Variants in CD8B2 observed in about 807,000 individuals in gnomAD.
The protein encoded by CD8B2 is T-cell surface glycoprotein CD8 beta-2 chain.
In CD8B2, 11 loss-of-function variants were observed where a neutral mutation model predicts 23.7. The ratio of observed to expected loss-of-function variants is 0.46; its 90% CI spans 0.29 to 0.77. The LOEUF is 0.77. Among genes scored for constraint, CD8B2 ranks in the 30% least tolerant of loss-of-function variants. CD8B2 has a pLI of 0.09. For missense variants in CD8B2, 197 were observed against 270.5 expected, an observed-to-expected ratio of 0.73 and a Z score of 1.91; for synonymous variants, 90 against 109.3, an observed-to-expected ratio of 0.82 and a Z score of 1.10.
intron 2 of CD8B2, among the ~76,000 whole-genome samples, chr2:106,493,238 G>C (rs1679227557): frequency 6.6e-6 from 1 of 152,308 alleles, no homozygotes; most frequent in African/African-American, 2.4e-5. Flanking sequence ...TGGGATGGTT[G>C]AGAAAGTGTT....
chr2:106,504,008 C>T (rs571773071), intron 4 of CD8B2, among the ~76,000 whole-genome samples: 27 of 152,340 alleles, frequency 1.8e-4, no homozygotes, highest in Admixed American at 7.2e-4. Flanking sequence ...CTGGCTTTCC[C>T]ACTTACTAGC....
chr2:106,496,167 C>T lies in CD8B2; in HGVS notation c.404-6C>T. 5.2e-6 allele frequency: 8 copies of T among 1,542,254 alleles called. No homozygotes were observed. Among genetic ancestry groups the T allele is most frequent in the Non-Finnish European group, 7.0e-6 (8 of 1,140,658 alleles). Reference sequence around the variant, plus strand: ...CTAAGATATGTGTCTTGCTTTCTTTCTGTAGTTGATTTCCTTCCCACCACT... The same window carrying T: ...CTAAGATATGTGTCTTGCTTTCTTTTTGTAGTTGATTTCCTTCCCACCACT... On this transcript the variant is annotated splice_polypyrimidine_tract_variant and splice_region_variant and intron_variant, in intron 2 of 5. Coordinates refer to ENST00000643224, the MANE Select transcript of CD8B2 (RefSeq NM_001349727.2).
chr2:106,488,978 GTTTTTA>G (rs925790016), intron 1 of CD8B2, among the ~76,000 whole-genome samples: 4 of 151,886 alleles, frequency 2.6e-5, no homozygotes, highest in East Asian at 1.9e-4. Flanking sequence ...TTTCCTTCTT[GTTTTTA>G]TTTTTATTTT....
chr2:106,505,571 G>T (rs911740776), intron 5 of CD8B2, among the ~76,000 whole-genome samples: 1 of 152,206 alleles, frequency 6.6e-6, no homozygotes, highest in African/African-American at 2.4e-5. Flanking sequence ...CACTCTGCAA[G>T]TGCAGCAACG....
chr2:106,503,883 T>C (rs532078396), intron 4 of CD8B2, among the ~76,000 whole-genome samples: 6 of 152,362 alleles, frequency 3.9e-5, no homozygotes, highest in South Asian at 2.1e-4. Flanking sequence ...CTGAATGCAA[T>C]TGCCCTAGCC....
At chr2:106,494,365 C>T (rs1452273099) in intron 2 of CD8B2, among the ~76,000 whole-genome samples, 1 of 152,128 alleles carries the variant, frequency 6.6e-6, no homozygotes, top group Non-Finnish European at 1.5e-5. Context: ...CCAGGCTGGT[C>T]TTGGATTCCT....
intron 1 of CD8B2, among the ~76,000 whole-genome samples, chr2:106,490,182 C>T (rs1329974854): frequency 2.6e-5 from 4 of 152,028 alleles, no homozygotes; most frequent in African/African-American, 4.8e-5. Flanking sequence ...GGGTCTCCTT[C>T]GGCAGTTTGG....
chr2:106,502,519 T>C lies in CD8B2; in HGVS notation c.539T>C (p.Val180Ala). The change falls in exon 4 of 6, where the codon GTC becomes GCC. Residue 180 changes from valine to alanine, a missense_variant. By Grantham distance (64) the Val-to-Ala change is moderately conservative. Transcript: ENST00000643224. The part of the protein sequence containing the change: ...PVTLGLLVAG[V>A]LVLLVSLGVA... Reference sequence around the variant, plus strand: ...ACCCTTGGCCTGCTGGTGGCTGGCGTCCTGGTTCTGCTGGTTTCCCTGGGA... The same window carrying C: ...ACCCTTGGCCTGCTGGTGGCTGGCGCCCTGGTTCTGCTGGTTTCCCTGGGA... The C allele has an allele frequency of 6.3e-7, 1 of 1,585,432 alleles. No homozygotes were observed. Among genetic ancestry groups the C allele is most frequent in the Non-Finnish European group, 8.6e-7 (1 of 1,165,036 alleles).
intron 5 of CD8B2, among the ~76,000 whole-genome samples, chr2:106,533,896 C>T (rs1484090839): frequency 2.0e-5 from 3 of 152,138 alleles, no homozygotes; most frequent in African/African-American, 7.2e-5. Context: ...ACATTGGGCA[C>T]CTGACCCTGA....
exon 6 of CD8B2, chr2:106,544,190 TG>T (rs1680217885): frequency 2.5e-6 from 1 of 397,530 alleles, no homozygotes; most frequent in Non-Finnish European, 4.4e-6. Context: ...TGAAGCTGCA[TG>T]GGAGTTGTAA....
rs529165604 is a variant in CD8B2 at position 106,507,539 on chromosome 2, A to T, written c.*599A>T. 1.0e-6 allele frequency: 1 copy of T among 982,590 alleles called. No homozygotes were observed. The highest frequency in any genetic ancestry group is 4.7e-5 in the South Asian group (1 of 21,228). 60.9% of individuals were successfully genotyped at this position (982,590 alleles called of 1,614,324 possible). On this transcript the variant is annotated 3_prime_UTR_variant, in exon 6 of 6. Coordinates refer to ENST00000643224, the MANE Select transcript of CD8B2 (RefSeq NM_001349727.2). ...AGTTCACTTCATCTTCTTAGCTCCA[A>T]TTTCTACTCTTAAGTTTCTCAGCTC...
At chr2:106,515,278 G>A (rs997532797), downstream of CD8B2, among the ~76,000 whole-genome samples, 1 of 152,232 alleles carries the variant, frequency 6.6e-6, no homozygotes, top group Non-Finnish European at 1.5e-5. Flanking sequence ...ACACTGGACA[G>A]ATATTAGGTG....
intron 5 of CD8B2, among the ~76,000 whole-genome samples, chr2:106,522,513 A>G (rs1274917004): frequency 1.3e-5 from 2 of 152,172 alleles, no homozygotes; most frequent in Non-Finnish European, 2.9e-5. Flanking sequence ...GTGAAAATGC[A>G]CCATTCTCAA....
chr2:106,539,982 T>A (rs1457342748), intron 5 of CD8B2, among the ~76,000 whole-genome samples: 1 of 152,246 alleles, frequency 6.6e-6, no homozygotes, highest in Non-Finnish European at 1.5e-5. Flanking sequence ...TATTCTTGTT[T>A]ACATTGAGAA....
intron 5 of CD8B2, among the ~76,000 whole-genome samples, chr2:106,505,919 G>A (rs902219581): frequency 1.3e-5 from 2 of 152,172 alleles, no homozygotes; most frequent in African/African-American, 4.8e-5. Flanking sequence ...ATCGCCTGAG[G>A]TCAGGAGTTT....
intron 5 of CD8B2, among the ~76,000 whole-genome samples, chr2:106,519,041 A>T (rs1338210454): frequency 6.6e-6 from 1 of 151,734 alleles, no homozygotes; most frequent in African/African-American, 2.4e-5. Flanking sequence ...CCATCCATTC[A>T]TTCCTCCATT....
In CD8B2 at chr2:106,507,391, C is replaced by G. The variant is rs944224323; in HGVS notation, c.*451C>G. 4.0e-5 allele frequency: 39 copies of G among 986,628 alleles called. No individual in the cohort carries two copies. In the African/African-American group the frequency reaches 6.1e-4, roughly 15 times the overall value. The allele number at this position is 986,628 out of a possible 1,614,324, so 61.1% of individuals were successfully genotyped here. A position where few individuals can be genotyped will look rare whatever the true frequency, so the allele number is the denominator to read the frequency against. ...TTCCCAGGCTGGGGCTGACCTTCCT[C>G]GCAGAGAGGCCAGGTGCAGGTTGGG... On this transcript the variant is annotated 3_prime_UTR_variant, in exon 6 of 6. Coordinates refer to ENST00000643224, the MANE Select transcript of CD8B2 (RefSeq NM_001349727.2).
intron 5 of CD8B2, among the ~76,000 whole-genome samples, chr2:106,535,530 G>C (rs928109712): frequency 6.6e-6 from 1 of 152,074 alleles, no homozygotes; most frequent in Non-Finnish European, 1.5e-5. Context: ...GAACAGTAAG[G>C]CAAGTTTATA....
At chr2:106,523,583 C>T (rs1429897517) in intron 5 of CD8B2, among the ~76,000 whole-genome samples, 8 of 152,146 alleles carry the variant, frequency 5.3e-5, no homozygotes. Context: ...GTTTGGCTTT[C>T]TAGGGTTGGT....
Sources: allele counts gnomAD v4.1 joint callset (sites outside exome capture counted in the v4.1 genomes callset), GRCh38; gene constraint gnomAD v4.1.1; transcripts MANE v1.5; gene names NCBI Gene and HGNC (gene_info 2026-07-23, HGNC 2026-07-21).